Variants in ENTPD1 observed in about 807,000 individuals in gnomAD.
ENTPD1 encodes ectonucleoside triphosphate diphosphohydrolase 1, also known as ATP diphosphohydrolase.
In ENTPD1, 33 loss-of-function variants were observed where a neutral mutation model predicts 57.0. The observed-to-expected ratio is 0.58, with a 90% CI of 0.44 to 0.77. The LOEUF is 0.77. ENTPD1 is among the 30% of genes least tolerant of loss of function. ENTPD1 has a pLI of 0.00. For synonymous variants in ENTPD1, 202 were observed against 218.8 expected, an observed-to-expected ratio of 0.92 and a Z score of 0.68; for missense variants, 501 against 603.4, an observed-to-expected ratio of 0.83 and a Z score of 1.78.
At chr10:95,785,926 GA>G (rs1279236984) in intron 1 of ENTPD1, among the ~76,000 whole-genome samples, 1 of 152,238 alleles carries the variant, frequency 6.6e-6, no homozygotes, top group African/African-American at 2.4e-5. Flanking sequence ...AACAAATGGG[GA>G]AGAGGATGAT....
chr10:95,774,940 A>G (rs926164809), intron 1 of ENTPD1, among the ~76,000 whole-genome samples: 3 of 152,070 alleles, frequency 2.0e-5, no homozygotes, highest in Admixed American at 6.5e-5. Flanking sequence ...CATTTTCATG[A>G]TATTGATTCT....
At chr10:95,760,814 C>CT (rs71034350) in intron 1 of ENTPD1, among the ~76,000 whole-genome samples, 2,073 of 62,844 alleles carry the variant, frequency 0.033, 323 homozygotes, top group East Asian at 0.051. Flanking sequence ...AGAGTTTATT[C>CT]TTTTTTTTTT....
intron 7 of ENTPD1, 71 bp from the exon 8 acceptor site, chr10:95,860,398 C>A: frequency 8.0e-7 from 1 of 1,254,186 alleles, no homozygotes; most frequent in South Asian, 1.3e-5. Context: ...ACAAGGGATG[C>A]GGCCTTTAGG....
rs146103619 is a variant in ENTPD1, at chr10:95,742,919, C to T, written c.37+30926C>T. 2.4e-3 allele frequency among the ~76,000 whole-genome samples: 366 copies of T among 152,200 alleles called. 4 individuals carry two copies. Among genetic ancestry groups the T allele is most frequent in the African/African-American group, 8.2e-3 (341 of 41,510 alleles). ...TTATGAAGATAGTACAGAAAGTTACCAGGTACTCTCTACCCAGTTCCCTGA... is the reference window on the plus strand; with the variant it reads ...TTATGAAGATAGTACAGAAAGTTACTAGGTACTCTCTACCCAGTTCCCTGA... On this transcript the variant is annotated intron_variant, in intron 1 of 9. Transcript: ENST00000453258.
At chr10:95,803,306 T>G (rs1362337333) in intron 1 of ENTPD1, among the ~76,000 whole-genome samples, 1 of 152,220 alleles carries the variant, frequency 6.6e-6, no homozygotes, top group Admixed American at 6.5e-5. Flanking sequence ...ATGGTTGAGC[T>G]AGTTTACACT....
intron 2 of ENTPD1, among the ~76,000 whole-genome samples, chr10:95,835,531 GC>G (rs1488254050): frequency 2.6e-5 from 4 of 152,118 alleles, no homozygotes; most frequent in African/African-American, 9.7e-5. Context: ...TTTTCACAGG[GC>G]TGAATAAATT....
intron 7 of ENTPD1, among the ~76,000 whole-genome samples, chr10:95,848,982 G>A (rs2140891069): frequency 6.6e-6 from 1 of 152,290 alleles, no homozygotes; most frequent in Non-Finnish European, 1.5e-5. Context: ...GTTAGAAGGA[G>A]GAGGAGCAGC....
At chr10:95,865,740 C>T (rs555942317) in intron 9 of ENTPD1, among the ~76,000 whole-genome samples, 1 of 152,098 alleles carries the variant, frequency 6.6e-6, no homozygotes, top group Non-Finnish European at 1.5e-5. Flanking sequence ...AGGACTGACA[C>T]ACGAGGTAGT....
At chr10:95,767,976 C>T (rs1589739032) in intron 1 of ENTPD1, among the ~76,000 whole-genome samples, 1 of 152,192 alleles carries the variant, frequency 6.6e-6, no homozygotes, top group South Asian at 2.1e-4. Context: ...TGAGTTTGTT[C>T]TCTTGCTCTT....
chr10:95,713,629 C>T (rs573928866), intron 1 of ENTPD1, among the ~76,000 whole-genome samples: 2 of 152,200 alleles, frequency 1.3e-5, no homozygotes, highest in Non-Finnish European at 2.9e-5. Context: ...CCCTGTAGTA[C>T]TTGTAAGCTC....
At chr10:95,834,788 C>T (rs1457223909) in intron 2 of ENTPD1, among the ~76,000 whole-genome samples, 1 of 152,004 alleles carries the variant, frequency 6.6e-6, no homozygotes, top group Non-Finnish European at 1.5e-5. Context: ...TTTCCATGAA[C>T]CAAGCAAGGT....
At chr10:95,762,911 C>T (rs2098072084) in intron 1 of ENTPD1, among the ~76,000 whole-genome samples, 1 of 151,976 alleles carries the variant, frequency 6.6e-6, no homozygotes, top group Non-Finnish European at 1.5e-5. Flanking sequence ...TTCTTAATTA[C>T]AGTAAATTTG....
intron 1 of ENTPD1, among the ~76,000 whole-genome samples, chr10:95,805,500 A>C (rs1328911666): frequency 1.3e-5 from 2 of 152,200 alleles, no homozygotes; most frequent in East Asian, 1.9e-4. Flanking sequence ...TTTTAAGGTT[A>C]ATATTGTTAT....
intron 1 of ENTPD1, among the ~76,000 whole-genome samples, chr10:95,744,614 C>G (rs573227453): frequency 8.7e-6 from 1 of 115,490 alleles, no homozygotes; most frequent in African/African-American, 3.3e-5. Context: ...GAGTAAGACT[C>G]TGTCTCAAAA....
At chr10:95,735,348 G>C (rs1353120077) in intron 1 of ENTPD1, among the ~76,000 whole-genome samples, 1 of 152,160 alleles carries the variant, frequency 6.6e-6, no homozygotes, top group Admixed American at 6.5e-5. Context: ...TGGAAATCAA[G>C]ATGTGTCTTT....
chr10:95,836,467 G>C (rs541908244), intron 2 of ENTPD1, among the ~76,000 whole-genome samples: 12 of 152,156 alleles, frequency 7.9e-5, no homozygotes, highest in African/African-American at 2.9e-4. Context: ...CATTTTATAA[G>C]TGATATTTAA....
upstream of ENTPD1, among the ~76,000 whole-genome samples, chr10:95,752,456 A>G (rs188831228): frequency 2.0e-4 from 31 of 152,246 alleles, no homozygotes; most frequent in East Asian, 5.6e-3. Flanking sequence ...GGAGTTCGAG[A>G]CCAGCCGCCT....
chr10:95,740,391 C>T (rs2097999089), intron 1 of ENTPD1, among the ~76,000 whole-genome samples: 1 of 152,204 alleles, frequency 6.6e-6, no homozygotes, highest in African/African-American at 2.4e-5. Flanking sequence ...TCCCAAAGTC[C>T]TGGGATTACA....
chr10:95,876,103 C>T lies in ENTPD1; in HGVS notation c.*9720C>T. ...TGAAACCTGAAATGCAGTCTATTAT[C>T]ATACATAACTAAAAATAGAGCCTCA... On this transcript the variant is annotated 3_prime_UTR_variant, in exon 10 of 10. Transcript: ENST00000371205. 1.0e-6 allele frequency: 1 copy of T among 985,280 alleles called. No individual in the cohort carries two copies. Among genetic ancestry groups the T allele is most frequent in the Non-Finnish European group, 1.2e-6 (1 of 829,862 alleles). 61.0% of individuals were successfully genotyped at this position (985,280 alleles called of 1,614,324 possible). A position where few individuals can be genotyped will look rare whatever the true frequency, so the allele number is the denominator to read the frequency against.
Sources: allele counts gnomAD v4.1 joint callset (sites outside exome capture counted in the v4.1 genomes callset), GRCh38; gene constraint gnomAD v4.1.1; transcripts MANE v1.5; gene names NCBI Gene and HGNC (gene_info 2026-07-23, HGNC 2026-07-21).